Variants in MAP2K5 observed in about 807,000 individuals in gnomAD.
The protein encoded by MAP2K5 is dual specificity mitogen-activated protein kinase kinase 5.
MAP2K5 carries 49 observed loss-of-function variants against 83.1 expected under a neutral mutation model. That is an observed-to-expected ratio of 0.59 (90% CI 0.47 to 0.75). The LOEUF (loss-of-function observed/expected upper bound fraction) is 0.75, where lower values mean the gene tolerates loss of function less well. Ranked by LOEUF, MAP2K5 falls within the 30% of genes least tolerant of loss-of-function variation. The pLI is 0.00. For synonymous variants in MAP2K5, 202 were observed against 191.8 expected (o/e 1.05, Z -0.44); for missense variants, 457 against 557.5 (o/e 0.82, Z 1.82).
intron 8 of MAP2K5, among the ~76,000 whole-genome samples, chr15:67,630,065 C>A (rs1163117091): frequency 6.6e-6 from 1 of 152,128 alleles, no homozygotes; most frequent in Non-Finnish European, 1.5e-5. Flanking sequence ...TCCAGAGACC[C>A]TGTCTCTACA....
chr15:67,724,484 C>T lies in MAP2K5; in HGVS notation c.1045-3432C>T, dbSNP rs951005836. Among the ~76,000 whole-genome samples, 1 of 152,046 alleles carries T rather than the reference C, an allele frequency of 6.6e-6. No homozygotes were observed. Among genetic ancestry groups the T allele is most frequent in the Non-Finnish European group, 1.5e-5 (1 of 68,008 alleles). ...TCAAGGCTCACTGCAGTCTCTACCT[C>T]CCCGGGCTCAGGTGATCCTCCCACA... On this transcript the variant is annotated intron_variant, in intron 16 of 21. Coordinates refer to ENST00000178640, the MANE Select transcript of MAP2K5 (RefSeq NM_145160.3). The surrounding 1 kb of genome is among the most constrained non-coding windows in gnomAD (Gnocchi z 4.4).
chr15:67,595,980 T>C (rs1347948075), intron 7 of MAP2K5, among the ~76,000 whole-genome samples: 1 of 151,890 alleles, frequency 6.6e-6, no homozygotes, highest in Non-Finnish European at 1.5e-5. Flanking sequence ...TTTTTTCTTT[T>C]TTTTTTTTTG....
chr15:67,686,738 A>G (rs1259610587), intron 13 of MAP2K5, among the ~76,000 whole-genome samples: 1 of 152,220 alleles, frequency 6.6e-6, no homozygotes, highest in Non-Finnish European at 1.5e-5. Flanking sequence ...GGGTCAGGGT[A>G]GAACTGACTG....
chr15:67,755,352 A>G lies in MAP2K5; in HGVS notation c.1134+6751A>G, dbSNP rs1249457880. ...TTTCTCCTCCCTTTCCCAGTCCTCCATTTTCTCATCCCCCTTTGTTCAGTG... is the reference window on the plus strand; with the variant it reads ...TTTCTCCTCCCTTTCCCAGTCCTCCGTTTTCTCATCCCCCTTTGTTCAGTG... On this transcript the variant is annotated intron_variant, in intron 19 of 21. Transcript: ENST00000178640. This position sits in a 1 kb window ranked among gnomAD's most constrained non-coding sequence, Gnocchi z 4.7. 6.6e-6 allele frequency among the ~76,000 whole-genome samples: 1 copy of G among 151,758 alleles called. No homozygotes were observed. The highest frequency in any genetic ancestry group is 2.4e-5 in the African/African-American group (1 of 41,282).
At chr15:67,575,463 C>T (rs975997535) in intron 3 of MAP2K5, among the ~76,000 whole-genome samples, 3 of 152,128 alleles carry the variant, frequency 2.0e-5, no homozygotes, top group East Asian at 1.9e-4. Flanking sequence ...CACACTGCTT[C>T]GCCAGCCTCT....
intron 8 of MAP2K5, among the ~76,000 whole-genome samples, chr15:67,610,160 T>G (rs1320870687): frequency 6.6e-6 from 1 of 152,218 alleles, no homozygotes; most frequent in Non-Finnish European, 1.5e-5. Context: ...TTAACCCAAG[T>G]TATTTTTGGA....
At position 67,573,090 on chromosome 15, in the gene MAP2K5, C is replaced by T. The variant is rs1596577972; in HGVS notation, c.253-7664C>T. Among the ~76,000 whole-genome samples, 1 of 152,060 alleles carries T rather than the reference C, an allele frequency of 6.6e-6. No homozygotes were observed. The highest frequency in any genetic ancestry group is 1.5e-5 in the Non-Finnish European group (1 of 68,016). ...CCTGAACCTGGGTATGTTTAGTAAA[C>T]GTTATCAATCTGTTCCCTTAATCAT... On this transcript the variant is annotated intron_variant, in intron 3 of 21. Coordinates refer to ENST00000178640, the MANE Select transcript of MAP2K5 (RefSeq NM_145160.3). This position sits in a 1 kb window ranked among gnomAD's most constrained non-coding sequence, Gnocchi z 4.2.
Position 67,714,413 on chromosome 15 carries a change from G to GAAAAAAAA in MAP2K5, c.1044+11005_1044+11006insAAAAAAAA, listed in dbSNP as rs2088777375. 4.5e-4 allele frequency among the ~76,000 whole-genome samples: 19 copies of GAAAAAAAA among 42,682 alleles called. 8 individuals carry two copies. Among genetic ancestry groups the GAAAAAAAA allele is most frequent in the African/African-American group, 1.5e-3 (19 of 12,740 alleles). 28.0% of individuals were successfully genotyped at this position (42,682 alleles called of 152,430 possible). On this transcript the variant is annotated intron_variant, in intron 16 of 21. Transcript: ENST00000178640. ...CCCCCCACCCCTACCCAGCTGCCAG[G>GAAAAAAAA]GAAAAAAAAAAAAAAAAAAAAAAAA...
chr15:67,597,466 A>C (rs2085552924), intron 7 of MAP2K5, among the ~76,000 whole-genome samples: 1 of 152,208 alleles, frequency 6.6e-6, no homozygotes, highest in Non-Finnish European at 1.5e-5. Context: ...TTGACTAGCT[A>C]TGTAACTTAA....
chr15:67,681,891 C>G (rs534854207), intron 13 of MAP2K5, among the ~76,000 whole-genome samples: 1 of 152,246 alleles, frequency 6.6e-6, no homozygotes, highest in South Asian at 2.1e-4. Flanking sequence ...TTGATAAACC[C>G]TAATAATTAA....
intron 19 of MAP2K5, among the ~76,000 whole-genome samples, chr15:67,765,960 G>A (rs1048561810): frequency 2.0e-5 from 3 of 152,200 alleles, no homozygotes; most frequent in Admixed American, 6.5e-5. Context: ...TTCTTGAACC[G>A]TTCATTATTC....
At position 67,577,060 on chromosome 15, in the gene MAP2K5, C is replaced by T. The variant is rs904574679; in HGVS notation, c.253-3694C>T. Among the ~76,000 whole-genome samples, 5 of 146,598 alleles carry T rather than the reference C, an allele frequency of 3.4e-5. No homozygotes were observed. The highest frequency in any genetic ancestry group is 2.0e-4 in the Admixed American group (3 of 14,764). Reference sequence around the variant, plus strand: ...ACGCCATTCTCCTGCCTCAGCCTCCCGAGTAGCTGGGACTACAGGCGCCCG... The same window carrying T: ...ACGCCATTCTCCTGCCTCAGCCTCCTGAGTAGCTGGGACTACAGGCGCCCG... On this transcript the variant is annotated intron_variant, in intron 3 of 21. Transcript: ENST00000178640. This position sits in a 1 kb window ranked among gnomAD's most constrained non-coding sequence, Gnocchi z 4.1.
chr15:67,583,621 A>G (rs2085230739), intron 4 of MAP2K5, among the ~76,000 whole-genome samples: 1 of 152,180 alleles, frequency 6.6e-6, no homozygotes, highest in African/African-American at 2.4e-5. Context: ...CATACTGGGT[A>G]TATTTCCTGT....
intron 17 of MAP2K5, among the ~76,000 whole-genome samples, chr15:67,730,969 C>CTCT (rs1488896119): frequency 1.3e-5 from 2 of 152,160 alleles, no homozygotes; most frequent in Admixed American, 1.3e-4. Flanking sequence ...TAATGCCTAC[C>CTCT]TCTTCTATCT....
chr15:67,665,663 A>C lies in MAP2K5; in HGVS notation c.847+1018A>C, dbSNP rs951575608. ...TTTTAATGAGGGTATCTAGATTTTG[A>C]CAAATCAAATAGTCAGGTTTTTGAA... On this transcript the variant is annotated intron_variant, in intron 13 of 21. Coordinates refer to ENST00000178640, the MANE Select transcript of MAP2K5 (RefSeq NM_145160.3). The surrounding 1 kb of genome is among the most constrained non-coding windows in gnomAD (Gnocchi z 4.2). Among the ~76,000 whole-genome samples, 3 of 152,186 alleles carry C rather than the reference A, an allele frequency of 2.0e-5. No homozygotes were observed. Among genetic ancestry groups the C allele is most frequent in the Admixed American group, 6.5e-5 (1 of 15,276 alleles).
chr15:67,666,627 C>T (rs1323662277), intron 13 of MAP2K5, among the ~76,000 whole-genome samples: 2 of 152,094 alleles, frequency 1.3e-5, no homozygotes, highest in African/African-American at 4.8e-5. Flanking sequence ...TCGTTAGTGA[C>T]GGACAAGGGC....
chr15:67,698,190 CTTTAT>C lies in MAP2K5; in HGVS notation c.972+4626_972+4630del, dbSNP rs1295986617. 6.6e-6 allele frequency among the ~76,000 whole-genome samples: 1 copy of C among 151,764 alleles called. No individual in the cohort carries two copies. The highest frequency in any genetic ancestry group is 1.5e-5 in the Non-Finnish European group (1 of 67,938). ...TTAAATTAACCATTTTTCAGAAATT[CTTTAT>C]TTTTTTTTTCTTGAGATGAAGTCTC... On this transcript the variant is annotated intron_variant, in intron 15 of 21. Coordinates refer to ENST00000178640, the MANE Select transcript of MAP2K5 (RefSeq NM_145160.3). The surrounding 1 kb of genome is among the most constrained non-coding windows in gnomAD (Gnocchi z 4.5).
At chr15:67,734,778 T>C (rs897082812) in intron 17 of MAP2K5, among the ~76,000 whole-genome samples, 2 of 152,200 alleles carry the variant, frequency 1.3e-5, no homozygotes, top group African/African-American at 4.8e-5. Flanking sequence ...GTTTGGAACA[T>C]GAAGGATTTA....
rs1438160638 is a variant in MAP2K5, at chr15:67,717,417, G to T, written c.1045-10499G>T. ...AGTACTACCCAGTGTTGGCAGTAAG[G>T]GTACATACTTTGCCCTCAGTGACTC... is the stretch of plus-strand genomic sequence containing the variant. On this transcript the variant is annotated intron_variant, in intron 16 of 21. Coordinates refer to ENST00000178640, the MANE Select transcript of MAP2K5 (RefSeq NM_145160.3). The surrounding 1 kb of genome is among the most constrained non-coding windows in gnomAD (Gnocchi z 4.1). Among the ~76,000 whole-genome samples, 2 of 152,050 alleles carry T rather than the reference G, an allele frequency of 1.3e-5. No individual in the cohort carries two copies. Among genetic ancestry groups the T allele is most frequent in the Non-Finnish European group, 2.9e-5 (2 of 68,020 alleles).
Sources: gnomAD v4.1 joint callset for allele counts (sites outside exome capture counted in the v4.1 genomes callset) on GRCh38, gnomAD v4.1.1 for gene constraint, Gnocchi (gnomAD v3.1) non-coding constraint, MANE v1.5 for transcripts, NCBI Gene and HGNC (gene_info 2026-07-23, HGNC 2026-07-21) for gene names.